The following USP36 variants were observed in gnomAD, a reference collection of about 807,000 sequenced individuals.
USP36 encodes the protein ubiquitin specific peptidase 36, also known as ubiquitin carboxyl-terminal hydrolase 36.
USP36 carries 59 observed loss-of-function variants against 111.5 expected under a neutral mutation model. The observed-to-expected ratio is 0.53, with a 90% CI of 0.43 to 0.66. USP36 has a LOEUF of 0.66. Ranked by LOEUF, USP36 falls within the 30% of genes least tolerant of loss-of-function variation. The probability of loss-of-function intolerance (pLI) is 0.00; values close to 1 mark genes in which losing one functional copy is unlikely to be tolerated. For missense variants in USP36, 1,488 were observed against 1,468.0 expected, an observed-to-expected ratio of 1.01 and a Z score of -0.22; for synonymous variants, 628 against 581.0, an observed-to-expected ratio of 1.08 and a Z score of -1.16.
chr17:78,812,895 C>T lies in USP36; in HGVS notation c.1372G>A (p.Gly458Ser), dbSNP rs552345677. The stretch of plus-strand genomic sequence containing the variant: ...AGTGGGGAGGAAATAATCCCATTGC[C>T]GATGTTCTTCTTGGAGTGATCTGGA... ...VIPDHSKKNI[G>S]NGIISSPLTG... The change falls in exon 13 of 21, where the codon GGC becomes AGC. Residue 458 changes from glycine to serine, a missense_variant. Around this residue, in one of 3 missense-constraint regions of USP36, gnomAD observed 1,073 missense variants for 994.1 expected, o/e 1.08. Transcript: ENST00000449938. The T allele has an allele frequency of 3.7e-6, 6 of 1,613,560 alleles. No individual in the cohort carries two copies. In the African/African-American group the frequency reaches 4.0e-5, roughly 11 times the overall value.
At chr17:78,813,735 G>A (rs773395961) in intron 12 of USP36, 38 bp downstream of exon 12, 2 of 1,580,610 alleles carry the variant, frequency 1.3e-6, no homozygotes, top group Non-Finnish European at 1.7e-6. Context: ...AAAGAGCAGA[G>A]GGAGTGAGCT....
Position 78,796,970 on chromosome 17 carries a change from A to T in USP36, c.*930T>A, listed in dbSNP as rs1338519815. The T allele has an allele frequency of 1.3e-5, 2 of 152,250 alleles. No individual in the cohort carries two copies. The highest frequency in any genetic ancestry group is 2.4e-5 in the African/African-American group (1 of 41,458). The allele number at this position is 152,250 out of a possible 1,614,324, so 9.4% of individuals were successfully genotyped here. On this transcript the variant is annotated 3_prime_UTR_variant, in exon 21 of 21. Coordinates refer to ENST00000449938, the MANE Select transcript of USP36 (RefSeq NM_001385174.1). ...GAAAAGTAATCTTCTTGAGTTATAC[A>T]ATCATTTAAATTCCAAAGCACTCAC...
chr17:78,813,947 G>T (rs1599027843), intron 11 of USP36, 74 bp from the exon 12 acceptor site: 1 of 1,344,252 alleles, frequency 7.4e-7, no homozygotes, highest in Non-Finnish European at 1.0e-6. Flanking sequence ...TTTAAAAAGG[G>T]AATAAAAAAT....
chr17:78,803,675 G>A lies in USP36; in HGVS notation c.2520C>T (p.Pro840=). The change falls in exon 16 of 21, where the codon CCC becomes CCT. Residue 840 remains proline (P), a synonymous_variant. Coordinates refer to ENST00000449938, the MANE Select transcript of USP36 (RefSeq NM_001385174.1). The surrounding 1 kb of genome is among the most constrained non-coding windows in gnomAD (Gnocchi z 4.6). ...PQHIREATAA[P]HGKRKRKKKK... is the part of the protein sequence containing the mutation. ...TCTTCTTCCTCTTCCTCTTCCCGTGGGGAGCCGCAGTGGCCTCCCTGATGT... is the reference window on the plus strand; with the variant it reads ...TCTTCTTCCTCTTCCTCTTCCCGTGAGGAGCCGCAGTGGCCTCCCTGATGT... 7 of 1,609,882 alleles carry A rather than the reference G, an allele frequency of 4.3e-6. No individual in the cohort carries two copies. Among genetic ancestry groups the A allele is most frequent in the Non-Finnish European group, 5.1e-6 (6 of 1,179,172 alleles).
chr17:78,826,565 G>A (rs1186001888), intron 6 of USP36: 1 of 153,360 alleles, frequency 6.5e-6, no homozygotes, highest in Non-Finnish European at 1.5e-5. Flanking sequence ...GAACATTCTA[G>A]GTATATTCCC....
chr17:78,813,987 T>A, intron 11 of USP36, 114 bp from the exon 12 acceptor site: 2 of 867,506 alleles, frequency 2.3e-6, no homozygotes, highest in East Asian at 2.7e-5. Context: ...CAAACACTAT[T>A]AATAATCAAC....
intron 17 of USP36, among the ~76,000 whole-genome samples, 184 bp from the exon 18 acceptor site, chr17:78,799,952 G>T (rs2093700310): frequency 7.7e-6 from 1 of 129,786 alleles, no homozygotes; most frequent in Non-Finnish European, 1.6e-5. Context: ...CAAACTCCTT[G>T]GGACTCCCAC....
At chr17:78,840,850 ACGCTTAAAGGCGC>A (rs2069234857), upstream of USP36, 1 of 152,332 alleles carries the variant, frequency 6.6e-6, no homozygotes, top group African/African-American at 2.4e-5. Flanking sequence ...TGTCACCGCG[ACGCTTAAAGGCGC>A]CGCACCCAGC....
At chr17:78,820,149 G>T in intron 8 of USP36, 137 bp from the exon 9 acceptor site, 1 of 789,968 alleles carries the variant, frequency 1.3e-6, no homozygotes, top group African/African-American at 1.7e-5. Context: ...TTGCCCACTA[G>T]CTGCCAGATT....
chr17:78,806,137 A>G lies in USP36; in HGVS notation c.2216+19T>C. ...GGGAGAACCAGTTGGCACCCAGAAGATCCCGGCCCAAAGCTTACCTGGCTC... is the reference window on the plus strand; with the variant it reads ...GGGAGAACCAGTTGGCACCCAGAAGGTCCCGGCCCAAAGCTTACCTGGCTC... On this transcript the variant is annotated intron_variant, in intron 15 of 20. Transcript: ENST00000449938. The G allele has an allele frequency of 6.2e-7, 1 of 1,612,504 alleles. No individual in the cohort carries two copies. Among genetic ancestry groups the G allele is most frequent in the South Asian group, 1.1e-5 (1 of 90,972 alleles).
At chr17:78,804,037 C>A in intron 15 of USP36, 59 bp from the exon 16 acceptor site, 1 of 1,311,482 alleles carries the variant, frequency 7.6e-7, no homozygotes. Flanking sequence ...CAGAGCTGTT[C>A]CTTCTGTCTA....
At position 78,807,783 on chromosome 17, in the gene USP36, A is replaced by G. The variant is rs367823832; in HGVS notation, c.1408-147T>C. ...AAATTATTTATCTGGACTCTTGGTA[A>G]AGACACTGTGGCTTCTCTGAACAAT... On this transcript the variant is annotated intron_variant, in intron 13 of 20. Coordinates refer to ENST00000449938, the MANE Select transcript of USP36 (RefSeq NM_001385174.1). 38 of 864,896 alleles carry G rather than the reference A, an allele frequency of 4.4e-5. 4 individuals are homozygous for G. The highest frequency in any genetic ancestry group is 8.8e-5 in the East Asian group (3 of 34,208). 53.6% of individuals were successfully genotyped at this position (864,896 alleles called of 1,614,324 possible). A position where few individuals can be genotyped will look rare whatever the true frequency, so the allele number is the denominator to read the frequency against.
chr17:78,828,935 T>C lies in USP36; in HGVS notation c.548A>G (p.Asn183Ser), dbSNP rs753000711. The change falls in exon 5 of 21, where the codon AAC (asparagine) becomes AGC (serine). Residue 183 changes from asparagine (N) to serine (S), a missense_variant. Physicochemically the swap from Asn to Ser is conservative, Grantham distance 46. This residue lies in a region of USP36 where 196 missense variants were observed against 264.4 expected (regional missense o/e 0.74). Coordinates refer to ENST00000449938, the MANE Select transcript of USP36 (RefSeq NM_001385174.1). ...GATGAAGGAGACGGGCTTGATGGCG[T>C]TGCCGCTGTTGGCGAAGGCCTGGAC... ...HIVQAFANSG[N>S]AIKPVSFIRD... is the part of the protein sequence containing the mutation. 6 of 1,614,096 alleles carry C rather than the reference T, an allele frequency of 3.7e-6. No homozygotes were observed. The highest frequency in any genetic ancestry group is 5.1e-6 in the Non-Finnish European group (6 of 1,180,048).
intron 17 of USP36, among the ~76,000 whole-genome samples, chr17:78,800,397 G>A (rs1439275961): frequency 6.6e-6 from 1 of 152,236 alleles, no homozygotes; most frequent in Non-Finnish European, 1.5e-5. Flanking sequence ...GGTCCACCCA[G>A]CACCTCGGGA....
chr17:78,790,626 A>C (rs529644187), intron 3 of USP36, among the ~76,000 whole-genome samples: 4 of 152,072 alleles, frequency 2.6e-5, no homozygotes, highest in Non-Finnish European at 5.9e-5. Flanking sequence ...GGCTCAAGCA[A>C]TCCTCTCATC....
intron 18 of USP36, among the ~76,000 whole-genome samples, chr17:78,799,362 G>T (rs2093685347): frequency 6.6e-6 from 1 of 152,180 alleles, no homozygotes. Flanking sequence ...ACATTACCCA[G>T]GTTGGAAGAG....
At chr17:78,814,694 T>C in intron 10 of USP36, 142 bp from the exon 11 acceptor site, 1 of 1,033,306 alleles carries the variant, frequency 9.7e-7, no homozygotes, top group Non-Finnish European at 1.4e-6. Flanking sequence ...GGCTCACGCC[T>C]GTAATCCCAG....
intron 9 of USP36, chr17:78,819,199 G>A (rs954650477): frequency 2.8e-5 from 5 of 177,302 alleles, no homozygotes; most frequent in Admixed American, 2.3e-4. Context: ...CGCGCAGCTT[G>A]GAGAGCTGCA....
chr17:78,797,598 A>G lies in USP36; in HGVS notation c.*302T>C, dbSNP rs1274471511. 2 of 152,376 alleles carry G rather than the reference A, an allele frequency of 1.3e-5. No individual in the cohort carries two copies. Among genetic ancestry groups the G allele is most frequent in the East Asian group, 3.8e-4 (2 of 5,204 alleles). The allele number at this position is 152,376 out of a possible 1,614,324, so 9.4% of individuals were successfully genotyped here. Reference sequence around the variant, plus strand: ...CCTCTGCCAGCACAGACCACTGTCTATGAAACATGAGAAGGCACAGCCTGG... The same window carrying G: ...CCTCTGCCAGCACAGACCACTGTCTGTGAAACATGAGAAGGCACAGCCTGG... On this transcript the variant is annotated 3_prime_UTR_variant, in exon 21 of 21. Coordinates refer to ENST00000449938, the MANE Select transcript of USP36 (RefSeq NM_001385174.1).
Sources: allele counts gnomAD v4.1 joint callset (sites outside exome capture counted in the v4.1 genomes callset), GRCh38; gene constraint gnomAD v4.1.1; regional missense constraint gnomAD v4.1.1; non-coding constraint Gnocchi (gnomAD v3.1); transcripts MANE v1.5; gene names NCBI Gene and HGNC (gene_info 2026-07-23, HGNC 2026-07-21).